Variants in SLC25A30 observed in about 807,000 individuals in gnomAD.
SLC25A30 encodes kidney mitochondrial carrier protein 1.
SLC25A30 carries 29 observed loss-of-function variants against 42.7 expected under a neutral mutation model. That is an observed-to-expected ratio of 0.68 (90% CI 0.51 to 0.93). The LOEUF is 0.93. SLC25A30 is among the 40% of genes least tolerant of loss of function. SLC25A30 has a pLI of 0.00. For missense variants in SLC25A30, 300 were observed against 359.7 expected (o/e 0.83, Z 1.34); for synonymous variants, 124 against 131.0 (o/e 0.95, Z 0.37).
intron 1 of SLC25A30, among the ~76,000 whole-genome samples, chr13:45,417,867 C>G (rs1424563120): frequency 1.3e-5 from 2 of 152,120 alleles, no homozygotes; most frequent in African/African-American, 4.8e-5. Flanking sequence ...GGTGTGCCCT[C>G]TCCCACAGTG....
Position 45,405,876 on chromosome 13 carries a change from C to A in SLC25A30, c.307+7G>T. The A allele has an allele frequency of 6.2e-7, 1 of 1,613,818 alleles. No homozygotes were observed. The highest frequency in any genetic ancestry group is 8.5e-7 in the Non-Finnish European group (1 of 1,179,728). On this transcript the variant is annotated splice_region_variant and intron_variant, in intron 4 of 9. Transcript: ENST00000519676. ...TGTCCACAGTGGAAAACAGATTCCCCACTCACCTTCTGGGCGTTCAATGAA... is the reference window on the plus strand; with the variant it reads ...TGTCCACAGTGGAAAACAGATTCCCAACTCACCTTCTGGGCGTTCAATGAA...
intron 8 of SLC25A30, chr13:45,398,066 T>C: frequency 1.0e-6 from 1 of 985,282 alleles, no homozygotes; most frequent in Non-Finnish European, 1.2e-6. Flanking sequence ...AGGCAACACC[T>C]GAAGAATAAA....
chr13:45,402,857 G>C, intron 5 of SLC25A30: 3 of 981,500 alleles, frequency 3.1e-6, no homozygotes, highest in Non-Finnish European at 3.6e-6. Flanking sequence ...AGGCGAGCTA[G>C]CCAAGTGACA....
the SLC25A30 span, among the ~76,000 whole-genome samples, chr13:45,427,589 A>C: frequency 5.3e-5 from 8 of 151,990 alleles, no homozygotes; most frequent in South Asian, 2.1e-4. Context: ...TCTGTACCCT[A>C]CTGCATGGTG....
intron 5 of SLC25A30, 104 bp downstream of exon 5, chr13:45,404,223 T>G (rs1882280391): frequency 1.2e-6 from 1 of 810,598 alleles, no homozygotes; most frequent in Admixed American, 2.0e-5. Context: ...TATAAACAGA[T>G]TCACATATAC....
the SLC25A30 span, among the ~76,000 whole-genome samples, chr13:45,425,268 G>A: frequency 4.6e-3 from 451 of 97,514 alleles, 6 homozygotes; most frequent in African/African-American, 0.018. Context: ...GTATATATAC[G>A]TATACATATA....
At chr13:45,412,556 C>T (rs1040566283) in intron 1 of SLC25A30, among the ~76,000 whole-genome samples, 1 of 152,122 alleles carries the variant, frequency 6.6e-6, no homozygotes, top group African/African-American at 2.4e-5. Flanking sequence ...ACCTGAGTCT[C>T]GGTTTTCTTC....
chr13:45,426,065 T>G, the SLC25A30 span, among the ~76,000 whole-genome samples: 3 of 148,308 alleles, frequency 2.0e-5, no homozygotes, highest in South Asian at 2.1e-4. Flanking sequence ...TTTAAATATA[T>G]ATATACATTT....
At chr13:45,420,694 G>A (rs1298795181), upstream of SLC25A30, among the ~76,000 whole-genome samples, 1 of 151,924 alleles carries the variant, frequency 6.6e-6, no homozygotes, top group Admixed American at 6.6e-5. Flanking sequence ...GGGTTTTTTT[G>A]TGCTTTTGTT....
At chr13:45,403,892 G>A (rs749291320) in intron 5 of SLC25A30, among the ~76,000 whole-genome samples, 1 of 149,974 alleles carries the variant, frequency 6.7e-6, no homozygotes, top group Non-Finnish European at 1.5e-5. Flanking sequence ...AGTTGACATC[G>A]TGCCACTGCA....
At chr13:45,419,924 C>T (rs546463668), upstream of SLC25A30, among the ~76,000 whole-genome samples, 11 of 151,076 alleles carry the variant, frequency 7.3e-5, no homozygotes, top group East Asian at 1.8e-3. Flanking sequence ...AGCTGCTGCA[C>T]TCTAGCCTGG....
the SLC25A30 span, among the ~76,000 whole-genome samples, chr13:45,425,526 AAATATGTATAAGTAT>A: frequency 1.0e-5 from 1 of 95,928 alleles, no homozygotes; most frequent in African/African-American, 3.9e-5. Context: ...GCATATATAT[AAATATGTATAAGTAT>A]ATATATATAA....
intron 7 of SLC25A30, among the ~76,000 whole-genome samples, chr13:45,400,196 T>C (rs988690933): frequency 6.6e-6 from 1 of 150,788 alleles, no homozygotes; most frequent in Non-Finnish European, 1.5e-5. Flanking sequence ...CTGAGGCGGG[T>C]GGATCACTTA....
the SLC25A30 span, among the ~76,000 whole-genome samples, chr13:45,426,279 G>A: frequency 4.9e-4 from 75 of 151,690 alleles, no homozygotes; most frequent in South Asian, 0.016. Context: ...TAGAGACGGG[G>A]TTTCACCATG....
chr13:45,430,089 G>A, the SLC25A30 span, among the ~76,000 whole-genome samples: 1 of 151,318 alleles, frequency 6.6e-6, no homozygotes, highest in African/African-American at 2.4e-5. Flanking sequence ...GTCAATTCCA[G>A]GAAAAAACAG....
chr13:45,395,862 C>G lies in SLC25A30; in HGVS notation c.*112G>C. 6.2e-7 allele frequency: 1 copy of G among 1,604,266 alleles called. No homozygotes were observed. Among genetic ancestry groups the G allele is most frequent in the Non-Finnish European group, 8.5e-7 (1 of 1,175,152 alleles). On this transcript the variant is annotated 3_prime_UTR_variant, in exon 10 of 10. Transcript: ENST00000519676. ...TAACCCAGTCTTCATCTGTTGCTCA[C>G]ATCCCAGAATCTGTGATGAGCCAAG... is the stretch of plus-strand genomic sequence containing the variant.
At chr13:45,410,156 A>G (rs1882875647) in intron 2 of SLC25A30, among the ~76,000 whole-genome samples, 1 of 152,248 alleles carries the variant, frequency 6.6e-6, no homozygotes, top group African/African-American at 2.4e-5. Flanking sequence ...TCCAGAGAAT[A>G]AACAAACAGG....
chr13:45,405,674 C>A (rs1169869598), intron 4 of SLC25A30, among the ~76,000 whole-genome samples: 1 of 152,214 alleles, frequency 6.6e-6, no homozygotes, highest in Non-Finnish European at 1.5e-5. Flanking sequence ...AAAATGTTTG[C>A]AGAGATGGTT....
the SLC25A30 span, among the ~76,000 whole-genome samples, chr13:45,423,947 AAAT>A: frequency 7.0e-5 from 7 of 99,448 alleles, no homozygotes; most frequent in South Asian, 2.1e-3. Context: ...ATATATAAAA[AAAT>A]ATATGAATAT....
Sources: gnomAD v4.1 joint callset for allele counts (sites outside exome capture counted in the v4.1 genomes callset) on GRCh38, gnomAD v4.1.1 for gene constraint, MANE v1.5 for transcripts, NCBI Gene and HGNC (gene_info 2026-07-23, HGNC 2026-07-21) for gene names.